HSDL1: variants seen among roughly 807,000 people sequenced by gnomAD.
The protein encoded by HSDL1 is inactive hydroxysteroid dehydrogenase-like protein 1.
HSDL1 carries 29 observed loss-of-function variants against 31.5 expected under a neutral mutation model. The ratio of observed to expected loss-of-function variants is 0.92; its 90% CI spans 0.69 to 1.26. HSDL1 has a LOEUF of 1.26. Among genes scored for constraint, HSDL1 ranks in the 50% most tolerant of loss-of-function variants. The probability of loss-of-function intolerance (pLI) is 0.00; values close to 1 mark genes in which losing one functional copy is unlikely to be tolerated. For missense variants in HSDL1, 503 were observed against 416.6 expected (o/e 1.21, Z -1.81); for synonymous variants, 222 against 155.2 (o/e 1.43, Z -3.20).
In HSDL1 at chr16:84,129,539, C is replaced by T; in HGVS notation, c.894+9G>A. On this transcript the variant is annotated intron_variant, in intron 5 of 5. Transcript: ENST00000219439. Reference sequence around the variant, plus strand: ...TAATCTAATTATGAGACCTGAAGCACACTCCTACCTGAATAGAATGGGACC... The same window carrying T: ...TAATCTAATTATGAGACCTGAAGCATACTCCTACCTGAATAGAATGGGACC... The T allele has an allele frequency of 6.3e-7, 1 of 1,592,512 alleles. No individual in the cohort carries two copies. The highest frequency in any genetic ancestry group is 8.6e-7 in the Non-Finnish European group (1 of 1,160,296).
In HSDL1 at chr16:84,130,137, T is replaced by G. The variant is rs2086648195; in HGVS notation, c.515A>C (p.Asp172Ala). 6.2e-7 allele frequency: 1 copy of G among 1,614,070 alleles called. No homozygotes were observed. The highest frequency in any genetic ancestry group is 1.1e-5 in the South Asian group (1 of 91,088). ...GGCGGCAATGTTCACATTTATGATG[T>G]CCCAGAGCTTGTCCTCGGACAGCTG... ...FTQLSEDKLW[D>A]IINVNIAAAS... The change falls in exon 4 of 6, where the codon GAC (aspartate) becomes GCC (alanine). Residue 172 changes from aspartate to alanine, a missense_variant. By Grantham distance (126) the Asp-to-Ala change is moderately radical (BLOSUM62 -2). Coordinates refer to ENST00000219439, the MANE Select transcript of HSDL1 (RefSeq NM_031463.5).
chr16:84,129,785 C>T lies in HSDL1; in HGVS notation c.667-10G>A, dbSNP rs1462903513. 1 of 1,596,790 alleles carries T rather than the reference C, an allele frequency of 6.3e-7. No individual in the cohort carries two copies. ...AGTGGTCTAAATAAGCCTGTTGAGA[C>T]AGAGGGGAGGAAAAGACTTTTAATT... On this transcript the variant is annotated splice_polypyrimidine_tract_variant and intron_variant, in intron 4 of 5. Coordinates refer to ENST00000219439, the MANE Select transcript of HSDL1 (RefSeq NM_031463.5).
At chr16:84,138,344 A>C (rs2086731974) in intron 1 of HSDL1, among the ~76,000 whole-genome samples, 1 of 152,204 alleles carries the variant, frequency 6.6e-6, no homozygotes, top group African/African-American at 2.4e-5. Context: ...GTTTTGGTCA[A>C]AGGGGTATAA....
intron 1 of HSDL1, among the ~76,000 whole-genome samples, chr16:84,137,744 G>A (rs1465035892): frequency 6.6e-6 from 1 of 152,186 alleles, no homozygotes; most frequent in Non-Finnish European, 1.5e-5. Flanking sequence ...TTTTTCTCAT[G>A]ACAAAAGAAA....
At chr16:84,130,483 T>C (rs1171071353) in intron 3 of HSDL1, 52 bp from the exon 4 acceptor site, 1 of 1,459,246 alleles carries the variant, frequency 6.9e-7, no homozygotes. Flanking sequence ...GTGTGACCCT[T>C]AAAATGGACC....
chr16:84,134,749 A>C (rs2086697646), intron 2 of HSDL1, among the ~76,000 whole-genome samples: 1 of 152,210 alleles, frequency 6.6e-6, no homozygotes, highest in Non-Finnish European at 1.5e-5. Context: ...GGCCATGAGG[A>C]AAGTAAATGC....
chr16:84,136,719 C>T (rs1163428047), intron 1 of HSDL1, among the ~76,000 whole-genome samples: 1 of 152,244 alleles, frequency 6.6e-6, no homozygotes, highest in East Asian at 1.9e-4. Flanking sequence ...CCCCTCACCT[C>T]TTGTCAGGGG....
At chr16:84,127,863 C>T (rs1166502256) in intron 5 of HSDL1, among the ~76,000 whole-genome samples, 9 of 150,342 alleles carry the variant, frequency 6.0e-5, no homozygotes, top group African/African-American at 1.9e-4. Context: ...GGACTACAGG[C>T]GCCCACCACC....
chr16:84,143,135 A>G (rs985689239), intron 1 of HSDL1, among the ~76,000 whole-genome samples: 4 of 152,218 alleles, frequency 2.6e-5, no homozygotes. Context: ...TTGCTCACAT[A>G]AAAACTCCTG....
chr16:84,140,329 A>G (rs183230411), intron 1 of HSDL1, among the ~76,000 whole-genome samples: 1 of 152,194 alleles, frequency 6.6e-6, no homozygotes, highest in East Asian at 1.9e-4. Flanking sequence ...CAATGGTGCA[A>G]TTTCTGCTCA....
chr16:84,128,974 C>T (rs2086635019), intron 5 of HSDL1, among the ~76,000 whole-genome samples: 1 of 152,150 alleles, frequency 6.6e-6, no homozygotes, highest in Non-Finnish European at 1.5e-5. Context: ...TCCCAAAGTG[C>T]TGGGATTACA....
intron 1 of HSDL1, among the ~76,000 whole-genome samples, chr16:84,137,399 C>G (rs989295502): frequency 4.6e-5 from 7 of 152,228 alleles, no homozygotes; most frequent in African/African-American, 1.7e-4. Context: ...GTGAAGGAGA[C>G]TGGGAGAGGC....
In HSDL1 at chr16:84,124,603, C is replaced by T; in HGVS notation, c.*27G>A. ...GAATATCGAGGTTCCCAGGAGTTGG[C>T]AAAACTTCTCAAGTGGCCATCCAGA... On this transcript the variant is annotated 3_prime_UTR_variant, in exon 6 of 6. Transcript: ENST00000219439. 6.7e-7 allele frequency: 1 copy of T among 1,498,562 alleles called. No homozygotes were observed. The highest frequency in any genetic ancestry group is 9.3e-7 in the Non-Finnish European group (1 of 1,075,340). 92.8% of individuals were successfully genotyped at this position (1,498,562 alleles called of 1,614,324 possible).
rs558718300 is a variant in HSDL1, at chr16:84,131,052, A to G, written c.220+50T>C. 9 of 1,415,374 alleles carry G rather than the reference A, an allele frequency of 6.4e-6. No individual in the cohort carries two copies. In the South Asian group the frequency reaches 1.1e-4, roughly 17 times the overall value. 87.7% of individuals were successfully genotyped at this position (1,415,374 alleles called of 1,614,324 possible). Reference sequence around the variant, plus strand: ...CATTAAATTCAATAGCTCCTTGAATAATGCATCCGACTTCACAGAAAAGAT... The same window carrying G: ...CATTAAATTCAATAGCTCCTTGAATGATGCATCCGACTTCACAGAAAAGAT... On this transcript the variant is annotated intron_variant, in intron 3 of 5. Coordinates refer to ENST00000219439, the MANE Select transcript of HSDL1 (RefSeq NM_031463.5).
intron 5 of HSDL1, among the ~76,000 whole-genome samples, chr16:84,127,873 C>T (rs906015106): frequency 6.6e-6 from 1 of 151,472 alleles, no homozygotes; most frequent in African/African-American, 2.4e-5. Flanking sequence ...CGCCCACCAC[C>T]ACGCCTAGCT....
At position 84,130,426 on chromosome 16, in the gene HSDL1, T is replaced by G. The variant is rs1337080231; in HGVS notation, c.226A>C (p.Thr76Pro). Residue 76 changes from threonine (T) to proline (P), a missense_variant, in exon 4 of 6, where the codon ACA becomes CCA. Thr to Pro is a conservative substitution (Grantham distance 38). Coordinates refer to ENST00000219439, the MANE Select transcript of HSDL1 (RefSeq NM_031463.5). ...GCGTAGGCTTTTCCAATCCCATCTG[T>G]TGCACCTAGGATGCAAGTCAGGAAA... is the stretch of plus-strand genomic sequence containing the variant. ...YGRWAVVSGA[T>P]DGIGKAYAEE... 3 of 1,605,274 alleles carry G rather than the reference T, an allele frequency of 1.9e-6. No individual in the cohort carries two copies. The highest frequency in any genetic ancestry group is 2.6e-6 in the Non-Finnish European group (3 of 1,175,898).
chr16:84,133,497 T>G (rs772612626), intron 2 of HSDL1, among the ~76,000 whole-genome samples: 1 of 152,150 alleles, frequency 6.6e-6, no homozygotes, highest in African/African-American at 2.4e-5. Flanking sequence ...TCCCAGCACT[T>G]TGGGAGGCCA....
At chr16:84,127,787 C>A (rs1393603974) in intron 5 of HSDL1, among the ~76,000 whole-genome samples, 1 of 144,892 alleles carries the variant, frequency 6.9e-6, no homozygotes, top group South Asian at 2.2e-4. Context: ...GGTGTGATCT[C>A]GGCTCACTGC....
At chr16:84,144,645 G>A (rs1006184410) in intron 1 of HSDL1, among the ~76,000 whole-genome samples, 10 of 152,312 alleles carry the variant, frequency 6.6e-5, no homozygotes, top group African/African-American at 2.4e-4. Flanking sequence ...CGACAAAGGA[G>A]GCGATTGCTG....
Sources: allele counts gnomAD v4.1 joint callset (sites outside exome capture counted in the v4.1 genomes callset), GRCh38; gene constraint gnomAD v4.1.1; transcripts MANE v1.5; gene names NCBI Gene and HGNC (gene_info 2026-07-23, HGNC 2026-07-21).